STXBP2: variants seen among roughly 807,000 people sequenced by gnomAD.
STXBP2 encodes the protein syntaxin-binding protein 2.
In STXBP2, 47 loss-of-function variants were observed where a neutral mutation model predicts 72.2. That is an observed-to-expected ratio of 0.65 (90% CI 0.51 to 0.83). The LOEUF (loss-of-function observed/expected upper bound fraction) is 0.83. STXBP2 is among the 40% of genes least tolerant of loss of function. The pLI is 0.00. For synonymous variants in STXBP2, 367 were observed against 338.7 expected (o/e 1.08, Z -0.92); for missense variants, 702 against 807.6 (o/e 0.87, Z 1.58).
chr19:7,631,409 T>TGGGGTGGGGGGGGGGGGGGGGGGGG, the STXBP2 span: 1 of 638,364 alleles, frequency 1.6e-6, no homozygotes, highest in Non-Finnish European at 2.2e-6. Flanking sequence ...CGGGGGGGGG[T>TGGGGTGGGGGGGGGGGGGGGGGGGG]GGTCCCGGCT....
In STXBP2 at chr19:7,642,071, C is replaced by T. The variant is rs756223029; in HGVS notation, c.616C>T (p.Leu206=). The change falls in exon 8 of 19, where the codon CTG becomes TTG. Residue 206 remains leucine, a synonymous_variant. Transcript: ENST00000221283. This position sits in a 1 kb window ranked among gnomAD's most constrained non-coding sequence, Gnocchi z 6.0. ...EDTAQLAHAV[L]AKLNAFKADT... ...CACAGCCCAGTTGGCCCACGCCGTC[C>T]TGGCCAAGCTGAACGCCTTCAAGGC... The T allele has an allele frequency of 6.2e-7, 1 of 1,614,090 alleles. No individual in the cohort carries two copies. Among genetic ancestry groups the T allele is most frequent in the Non-Finnish European group, 8.5e-7 (1 of 1,180,004 alleles).
In STXBP2 at chr19:7,642,807, G is replaced by C. The variant is rs768971377; in HGVS notation, c.944G>C (p.Arg315Thr). 6.2e-7 allele frequency: 1 copy of C among 1,614,098 alleles called. No homozygotes were observed. ...CTGAGGACCTTCTGTGAGAGCAAGAGGCTGACCACGGACAAGGTAGGGGCG... is the reference window on the plus strand; with the variant it reads ...CTGAGGACCTTCTGTGAGAGCAAGACGCTGACCACGGACAAGGTAGGGGCG... ...ELLRTFCESK[R>T]LTTDKANIKD... The change falls in exon 11 of 19, where the codon AGG (arginine) becomes ACG (threonine). Residue 315 changes from arginine (R) to threonine (T), a missense_variant. Transcript: ENST00000221283. The surrounding 1 kb of genome is among the most constrained non-coding windows in gnomAD (Gnocchi z 6.0).
chr19:7,641,063 C>A, intron 6 of STXBP2, 60 bp downstream of exon 6: 1 of 1,556,344 alleles, frequency 6.4e-7, no homozygotes, highest in Non-Finnish European at 8.8e-7. Context: ...GTCCCCTGTT[C>A]CCTCAGAAAC....
At chr19:7,633,635 G>T, upstream of STXBP2, 1 of 638,648 alleles carries the variant, frequency 1.6e-6, no homozygotes, top group African/African-American at 1.9e-5. Context: ...ATAATTGTTT[G>T]CCCACAACGA....
At chr19:7,641,678 T>A (rs1326850355) in intron 6 of STXBP2, 27 bp from the exon 7 acceptor site, 10 of 1,550,420 alleles carry the variant, frequency 6.4e-6, no homozygotes, top group African/African-American at 1.4e-5. Context: ...GCGGCAACCC[T>A]GGTGCTTCTG....
In STXBP2 at chr19:7,639,837, C is replaced by T. The variant is rs183577491; in HGVS notation, c.246+30C>T. 689 of 1,606,216 alleles carry T rather than the reference C, an allele frequency of 4.3e-4. No individual in the cohort carries two copies. Among genetic ancestry groups the T allele is most frequent in the Admixed American group, 5.7e-4 (34 of 59,594 alleles). ...CTACATGAGTGAGCGTGTGTGTATG[C>T]GCGTGCATGCGTGTACATGTGCATG... On this transcript the variant is annotated intron_variant, in intron 4 of 18. Transcript: ENST00000221283.
the STXBP2 span, chr19:7,630,153 G>T: frequency 4.0e-5 from 19 of 475,066 alleles, no homozygotes; most frequent in Admixed American, 3.9e-5. Flanking sequence ...AAGATCCTGG[G>T]GGAGCTCTCG....
chr19:7,644,561 A>G, intron 13 of STXBP2, 53 bp from the exon 14 acceptor site: 1 of 1,603,646 alleles, frequency 6.2e-7, no homozygotes, highest in East Asian at 2.2e-5. Flanking sequence ...CGCCTCTCCC[A>G]TCCCCTTCCC....
At chr19:7,640,219 C>A in intron 4 of STXBP2, 2 of 456,868 alleles carry the variant, frequency 4.4e-6, no homozygotes, top group East Asian at 6.0e-5. Context: ...TATGTGTCTG[C>A]GTCTGTGTGT....
rs755101395 is a variant in STXBP2 at position 7,642,013 on chromosome 19, C to T, written c.579-21C>T. The T allele has an allele frequency of 1.0e-4, 168 of 1,613,648 alleles. 1 individual carries two copies. The South Asian group carries it at 1.7e-3, about 17-fold the overall frequency. On this transcript the variant is annotated intron_variant, in intron 7 of 18. Coordinates refer to ENST00000221283, the MANE Select transcript of STXBP2 (RefSeq NM_006949.4). The surrounding 1 kb of genome is among the most constrained non-coding windows in gnomAD (Gnocchi z 6.0). ...GACCCCATCCCCTGATGATGTCCCCCGTGTCTGACCTCCCCGCCAGGGGCC... is the reference window on the plus strand; with the variant it reads ...GACCCCATCCCCTGATGATGTCCCCTGTGTCTGACCTCCCCGCCAGGGGCC...
At chr19:7,630,837 A>G in the STXBP2 span, 1 of 1,537,208 alleles carries the variant, frequency 6.5e-7, no homozygotes, top group Non-Finnish European at 8.7e-7. Flanking sequence ...AGCTGTGGCC[A>G]CCTGAGAAGG....
chr19:7,641,945 G>A (rs1407626736), intron 7 of STXBP2, 89 bp from the exon 8 acceptor site: 14 of 1,313,562 alleles, frequency 1.1e-5, no homozygotes, highest in South Asian at 5.8e-5. Context: ...CCCCAGCCCC[G>A]GCCCTACCCT....
intron 13 of STXBP2, 125 bp downstream of exon 13, chr19:7,643,370 C>T: frequency 9.3e-7 from 1 of 1,069,578 alleles, no homozygotes; most frequent in Non-Finnish European, 1.4e-6. Flanking sequence ...GTGGAGGGGC[C>T]TTGGAGAGAG....
chr19:7,637,579 G>C (rs1440776454), intron 1 of STXBP2, among the ~76,000 whole-genome samples: 1 of 152,040 alleles, frequency 6.6e-6, no homozygotes, highest in African/African-American at 2.4e-5. Context: ...TCTGGTCAGC[G>C]ACCCTAGGTG....
chr19:7,643,420 C>T (rs762390970), intron 13 of STXBP2, 175 bp downstream of exon 13: 43 of 711,146 alleles, frequency 6.0e-5, no homozygotes, highest in Non-Finnish European at 8.4e-5. Context: ...TGTGGAGAAA[C>T]GGTCCTAGGA....
upstream of STXBP2, chr19:7,633,540 G>A (rs941320296): frequency 2.9e-6 from 4 of 1,379,926 alleles, no homozygotes; most frequent in African/African-American, 1.4e-5. Context: ...CAGGACGTGG[G>A]GGTGTGGATT....
upstream of STXBP2, chr19:7,636,876 G>T: frequency 2.6e-6 from 1 of 379,828 alleles, no homozygotes. Flanking sequence ...TCGCACGCAA[G>T]CCAGGAAGTG....
rs1048800593 is a variant in STXBP2 at position 7,637,138 on chromosome 19, C to T, written c.-12C>T. 10 of 1,240,606 alleles carry T rather than the reference C, an allele frequency of 8.1e-6. No homozygotes were observed. Among genetic ancestry groups the T allele is most frequent in the Admixed American group, 4.2e-5 (1 of 23,694 alleles). The allele number at this position is 1,240,606 out of a possible 1,614,324, so 76.8% of individuals were successfully genotyped here. ...ACACACCCGGAAGCGGCGGCGGCGC[C>T]CCTCGGGGAAGATGGCGCCCTCGGG... is the stretch of plus-strand genomic sequence containing the variant. On this transcript the variant is annotated 5_prime_UTR_variant, in exon 1 of 19. Transcript: ENST00000221283.
rs763909233 is a variant in STXBP2, at chr19:7,642,977, C to T, written c.961-6C>T. The T allele has an allele frequency of 1.2e-6, 2 of 1,614,046 alleles. No individual in the cohort carries two copies. Among genetic ancestry groups the T allele is most frequent in the Non-Finnish European group, 1.7e-6 (2 of 1,180,050 alleles). The stretch of plus-strand genomic sequence containing the variant: ...AATCCCTACCCTCTTCCCCCTACTT[C>T]CCCAGGCGAACATCAAAGACCTATC... On this transcript the variant is annotated splice_polypyrimidine_tract_variant and splice_region_variant and intron_variant, in intron 11 of 18. Coordinates refer to ENST00000221283, the MANE Select transcript of STXBP2 (RefSeq NM_006949.4). The surrounding 1 kb of genome is among the most constrained non-coding windows in gnomAD (Gnocchi z 6.0).
Sources: allele counts gnomAD v4.1 joint callset (sites outside exome capture counted in the v4.1 genomes callset), GRCh38; gene constraint gnomAD v4.1.1; non-coding constraint Gnocchi (gnomAD v3.1); transcripts MANE v1.5; gene names NCBI Gene and HGNC (gene_info 2026-07-23, HGNC 2026-07-21).